ICAM1: variants seen among roughly 807,000 people sequenced by gnomAD.
ICAM1 encodes intercellular adhesion molecule 1, also known as ICAM-1.
ICAM1 carries 28 observed loss-of-function variants against 42.3 expected under a neutral mutation model. That is an observed-to-expected ratio of 0.66 (90% CI 0.49 to 0.91). ICAM1 has a LOEUF of 0.91. ICAM1 is among the 40% of genes least tolerant of loss of function. ICAM1 has a pLI of 0.00. For missense variants in ICAM1, 637 were observed against 688.6 expected (o/e 0.93, Z 0.84); for synonymous variants, 304 against 305.9 (o/e 0.99, Z 0.07).
At chr19:10,278,548 C>CTTTTTTTTTTGTTTTTTTTTT (rs2040032527) in intron 2 of ICAM1, among the ~76,000 whole-genome samples, 1 of 41,744 alleles carries the variant, frequency 2.4e-5, no homozygotes, top group Non-Finnish European at 4.2e-5. Flanking sequence ...CCTGATAGGT[C>CTTTTTTTTTTGTTTTTTTTTT]TTTTTTTTTT....
At chr19:10,272,416 C>A (rs534504694) in intron 1 of ICAM1, among the ~76,000 whole-genome samples, 1 of 152,306 alleles carries the variant, frequency 6.6e-6, no homozygotes, top group South Asian at 2.1e-4. Flanking sequence ...AGTGTCCTCA[C>A]ACCCCCATCC....
rs759319472 is a variant in ICAM1 at position 10,284,500 on chromosome 19, G to C, written c.1023G>C (p.Thr341=). Residue 341 remains threonine (T), a synonymous_variant, in exon 5 of 7, where the codon ACG becomes ACC. Coordinates refer to ENST00000264832, the MANE Select transcript of ICAM1 (RefSeq NM_000201.3). This position sits in a 1 kb window ranked among gnomAD's most constrained non-coding sequence, Gnocchi z 5.4. The part of the protein sequence containing the change: ...KCEAHPRAKV[T]LNGVPAQPLG... ...AGGCCCACCCTAGAGCCAAGGTGAC[G>C]CTGAATGGGGTTCCAGCCCAGCCAC... 6.2e-7 allele frequency: 1 copy of C among 1,614,072 alleles called. No homozygotes were observed. The highest frequency in any genetic ancestry group is 1.1e-5 in the South Asian group (1 of 91,088).
Position 10,285,345 on chromosome 19 carries a change from A to AC in ICAM1, c.*59dup. On this transcript the variant is annotated 3_prime_UTR_variant, in exon 7 of 7. Coordinates refer to ENST00000264832, the MANE Select transcript of ICAM1 (RefSeq NM_000201.3). ...TTCCCATATTGGTGGCAGTGGTGCCACACTGAACAGAGTGGAAGACATATG... is the reference window on the plus strand; with the variant it reads ...TTCCCATATTGGTGGCAGTGGTGCCACCACTGAACAGAGTGGAAGACATATG... 1.3e-6 allele frequency: 2 copies of AC among 1,530,246 alleles called. No homozygotes were observed. Among genetic ancestry groups the AC allele is most frequent in the Non-Finnish European group, 1.8e-6 (2 of 1,115,462 alleles). The allele number at this position is 1,530,246 out of a possible 1,614,324, so 94.8% of individuals were successfully genotyped here. A position where few individuals can be genotyped will look rare whatever the true frequency, so the allele number is the denominator to read the frequency against.
intron 2 of ICAM1, among the ~76,000 whole-genome samples, chr19:10,277,285 A>G (rs5030356): frequency 0.029 from 4,436 of 151,926 alleles, 216 homozygotes; most frequent in African/African-American, 0.1. Context: ...AGTTTAAGTG[A>G]TTCTCCGGCC....
Position 10,274,925 on chromosome 19 carries a change from G to C in ICAM1, c.228G>C (p.Arg76=). 6.2e-7 allele frequency: 1 copy of C among 1,614,238 alleles called. No homozygotes were observed. The highest frequency in any genetic ancestry group is 1.1e-5 in the South Asian group (1 of 91,090). ...AGTTGCTCCTGCCTGGGAACAACCG[G>C]AAGGTGTATGAACTGAGCAATGTGC... ...KKELLLPGNN[R]KVYELSNVQE... Residue 76 remains arginine, a synonymous_variant, in exon 2 of 7, where the codon CGG becomes CGC. Transcript: ENST00000264832.
In ICAM1 at chr19:10,285,405, G is replaced by A; in HGVS notation, c.*118G>A. On this transcript the variant is annotated 3_prime_UTR_variant, in exon 7 of 7. Transcript: ENST00000264832. Reference sequence around the variant, plus strand: ...TACACCTACCGGCCCTGGGACGCCGGAGGACAGGGCATTGTCCTCAGTCAG... The same window carrying A: ...TACACCTACCGGCCCTGGGACGCCGAAGGACAGGGCATTGTCCTCAGTCAG... The A allele has an allele frequency of 2.1e-6, 2 of 940,264 alleles. No individual in the cohort carries two copies. The highest frequency in any genetic ancestry group is 3.2e-6 in the Non-Finnish European group (2 of 625,798). The allele number at this position is 940,264 out of a possible 1,614,324, so 58.2% of individuals were successfully genotyped here.
chr19:10,275,491 A>G (rs998459699), intron 2 of ICAM1, among the ~76,000 whole-genome samples: 1 of 151,948 alleles, frequency 6.6e-6, no homozygotes, highest in Non-Finnish European at 1.5e-5. Context: ...GCAAGATTCC[A>G]TCTCAAGAAA....
At chr19:10,272,024 G>A (rs1568290892) in intron 1 of ICAM1, among the ~76,000 whole-genome samples, 1 of 152,120 alleles carries the variant, frequency 6.6e-6, no homozygotes, top group Non-Finnish European at 1.5e-5. Flanking sequence ...GGTAGTTCAT[G>A]CCAGTAATCC....
At position 10,283,648 on chromosome 19, in the gene ICAM1, G is replaced by C; in HGVS notation, c.499G>C (p.Ala167Pro). The change falls in exon 3 of 7, where the codon GCT (alanine) becomes CCT (proline). Residue 167 changes from alanine (A) to proline (P), a missense_variant. By Grantham distance (27) the Ala-to-Pro change is conservative. Transcript: ENST00000264832. ...ACGGGAGCCAGCTGTGGGGGAGCCC[G>C]CTGAGGTCACGACCACGGTGCTGGT... ...LKREPAVGEP[A>P]EVTTTVLVRR... 1 of 1,613,828 alleles carries C rather than the reference G, an allele frequency of 6.2e-7. No individual in the cohort carries two copies. The highest frequency in any genetic ancestry group is 8.5e-7 in the Non-Finnish European group (1 of 1,179,902).
At chr19:10,274,355 C>T (rs1041044405) in intron 1 of ICAM1, among the ~76,000 whole-genome samples, 1 of 142,612 alleles carries the variant, frequency 7.0e-6, no homozygotes, top group Non-Finnish European at 1.5e-5. Flanking sequence ...CGTTCTGTTG[C>T]TCAGGCTGGA....
At chr19:10,276,142 G>C (rs1298243545) in intron 2 of ICAM1, among the ~76,000 whole-genome samples, 1 of 150,046 alleles carries the variant, frequency 6.7e-6, no homozygotes, top group African/African-American at 2.5e-5. Flanking sequence ...CTAGGAGTTC[G>C]AATCCATCCT....
rs759046761 is a variant in ICAM1, at chr19:10,283,664, C to G, written c.515C>G (p.Thr172Arg). Reference protein sequence around the residue: ...AVGEPAEVTTTVLVRRDHHGA... With the variant: ...AVGEPAEVTTRVLVRRDHHGA... ...GGGGAGCCCGCTGAGGTCACGACCA[C>G]GGTGCTGGTGAGGAGAGATCACCAT... Residue 172 changes from threonine to arginine, a missense_variant, in exon 3 of 7, where the codon ACG becomes AGG. Coordinates refer to ENST00000264832, the MANE Select transcript of ICAM1 (RefSeq NM_000201.3). 11 of 1,613,802 alleles carry G rather than the reference C, an allele frequency of 6.8e-6. No individual in the cohort carries two copies. The highest frequency in any genetic ancestry group is 9.3e-6 in the Non-Finnish European group (11 of 1,179,910).
chr19:10,284,335 G>A lies in ICAM1; in HGVS notation c.925+15G>A, dbSNP rs1599270859. Reference sequence around the variant, plus strand: ...GACCATCTACAGTAAGAAGGGGCAGGGGCGGAGTGGGGCTTCTTGGGGGTG... The same window carrying A: ...GACCATCTACAGTAAGAAGGGGCAGAGGCGGAGTGGGGCTTCTTGGGGGTG... On this transcript the variant is annotated intron_variant, in intron 4 of 6. Transcript: ENST00000264832. The surrounding 1 kb of genome is among the most constrained non-coding windows in gnomAD (Gnocchi z 5.4). The A allele has an allele frequency of 1.2e-6, 2 of 1,612,350 alleles. No homozygotes were observed. Among genetic ancestry groups the A allele is most frequent in the South Asian group, 1.1e-5 (1 of 91,086 alleles).
chr19:10,276,132 C>G (rs2040015142), intron 2 of ICAM1, among the ~76,000 whole-genome samples: 1 of 151,276 alleles, frequency 6.6e-6, no homozygotes, highest in Non-Finnish European at 1.5e-5. Context: ...GGTTCGAATC[C>G]TAGGAGTTCG....
At chr19:10,283,964 A>G (rs540060584) in intron 3 of ICAM1, 69 bp from the exon 4 acceptor site, 2 of 1,541,116 alleles carry the variant, frequency 1.3e-6, no homozygotes, top group Admixed American at 1.8e-5. Flanking sequence ...AGGAGGGGGA[A>G]TGAAATGCCC....
In ICAM1 at chr19:10,274,779, C is replaced by T; in HGVS notation, c.82C>T (p.Gln28Ter). ...GTTTCTTCTAGGACCTGGCAATGCC[C>T]AGACATCTGTGTCCCCCTCAAAAGT... Reference protein sequence around the residue: ...GALFPGPGNAQTSVSPSKVIL... With the variant: ...GALFPGPGNA Residue 28 changes from glutamine (Q) to a stop codon, truncating the protein, a stop_gained, in exon 2 of 7, where the codon CAG becomes TAG. Coordinates refer to ENST00000264832, the MANE Select transcript of ICAM1 (RefSeq NM_000201.3). LOFTEE classifies it high-confidence loss of function. 1.2e-6 allele frequency: 2 copies of T among 1,613,386 alleles called. No homozygotes were observed.
intron 1 of ICAM1, among the ~76,000 whole-genome samples, chr19:10,271,955 G>A (rs759493079): frequency 1.3e-5 from 2 of 152,116 alleles, no homozygotes; most frequent in African/African-American, 4.8e-5. Context: ...GGAACCAGGA[G>A]GGTGGGAGAT....
intron 2 of ICAM1, among the ~76,000 whole-genome samples, chr19:10,281,180 G>T (rs1194101218): frequency 1.3e-5 from 2 of 151,512 alleles, no homozygotes; most frequent in African/African-American, 2.4e-5. Context: ...GCCTGGCCAG[G>T]CTGGTCTTGA....
rs750159059 is a variant in ICAM1 at position 10,285,142 on chromosome 19, CTG to C, written c.1457_1458del (p.Val486GlyfsTer18). ...CCCCGGTATGAGATTGTCATCATCA[CTG>C]TGGTAGCAGCCGCAGTCATAATGGG... On this transcript the variant is annotated frameshift_variant, in exon 7 of 7. Coordinates refer to ENST00000264832, the MANE Select transcript of ICAM1 (RefSeq NM_000201.3). LOFTEE classifies it low-confidence loss of function (END_TRUNC). 6.2e-7 allele frequency: 1 copy of C among 1,614,190 alleles called. No homozygotes were observed. The highest frequency in any genetic ancestry group is 8.5e-7 in the Non-Finnish European group (1 of 1,180,022).
Sources: gnomAD v4.1 joint callset for allele counts (sites outside exome capture counted in the v4.1 genomes callset) on GRCh38, gnomAD v4.1.1 for gene constraint, Gnocchi (gnomAD v3.1) non-coding constraint, MANE v1.5 for transcripts, NCBI Gene and HGNC (gene_info 2026-07-23, HGNC 2026-07-21) for gene names.